Variants in LZTFL1 observed in about 807,000 individuals in gnomAD.
LZTFL1 encodes leucine zipper transcription factor-like protein 1.
In LZTFL1, 25 loss-of-function variants were observed where a neutral mutation model predicts 45.9. The observed-to-expected ratio is 0.54, with a 90% confidence interval of 0.40 to 0.76. LZTFL1 has a LOEUF of 0.76. LZTFL1 is among the 30% of genes least tolerant of loss of function. The pLI is 0.00. For missense variants in LZTFL1, 277 were observed against 331.1 expected (o/e 0.84, Z 1.27); for synonymous variants, 93 against 117.4 (o/e 0.79, Z 1.35).
intron 2 of LZTFL1, among the ~76,000 whole-genome samples, chr3:45,884,422 T>C (rs551127304): frequency 6.6e-6 from 1 of 152,288 alleles, no homozygotes; most frequent in East Asian, 1.9e-4. Context: ...TGATCCTCTC[T>C]GCATCCCAGG....
intron 9 of LZTFL1, 138 bp from the exon 10 acceptor site, chr3:45,826,470 G>A: frequency 1.4e-6 from 1 of 724,964 alleles, no homozygotes; most frequent in African/African-American, 1.8e-5. Context: ...ATTCAACTTT[G>A]TTTTGATGGT....
chr3:45,880,178 T>A (rs937730181), intron 2 of LZTFL1, among the ~76,000 whole-genome samples: 2 of 152,218 alleles, frequency 1.3e-5, no homozygotes, highest in African/African-American at 4.8e-5. Flanking sequence ...GTTTTTTTGT[T>A]GTTTCCCATG....
intron 2 of LZTFL1, among the ~76,000 whole-genome samples, chr3:45,888,847 G>A (rs1702061429): frequency 6.6e-6 from 1 of 152,166 alleles, no homozygotes; most frequent in African/African-American, 2.4e-5. Context: ...TCTAGATGTG[G>A]GCTCTAGGGA....
upstream of LZTFL1, among the ~76,000 whole-genome samples, chr3:45,844,539 T>C (rs976102753): frequency 3.9e-5 from 6 of 152,098 alleles, no homozygotes. Flanking sequence ...ATTGAACTGG[T>C]AGTAGGTGGA....
At chr3:45,895,078 T>G in intron 2 of LZTFL1, 1 of 1,012,078 alleles carries the variant, frequency 9.9e-7, no homozygotes, top group Non-Finnish European at 1.6e-6. Flanking sequence ...GTAAGATCTC[T>G]GCCTGGCAAT....
intron 2 of LZTFL1, among the ~76,000 whole-genome samples, chr3:45,864,170 T>A (rs1390749760): frequency 6.6e-6 from 1 of 152,224 alleles, no homozygotes; most frequent in Non-Finnish European, 1.5e-5. Context: ...AATGTGTAAT[T>A]ATAAATTGCT....
chr3:45,860,038 C>G (rs77340888), intron 2 of LZTFL1, among the ~76,000 whole-genome samples: 236 of 152,078 alleles, frequency 1.6e-3, no homozygotes, highest in Middle Eastern at 6.8e-3. Flanking sequence ...GTATGATGAC[C>G]AGCCACTGTA....
chr3:45,827,478 C>T lies in LZTFL1; in HGVS notation c.778-19G>A. ...CTAATTCCTGCTTAGTAAAAAATGT[C>T]AGCCCATTACTAAAAAAATAGTTAA... On this transcript the variant is annotated intron_variant, in intron 8 of 9. Transcript: ENST00000296135. 1.4e-6 allele frequency: 2 copies of T among 1,433,866 alleles called. No homozygotes were observed. The highest frequency in any genetic ancestry group is 2.0e-6 in the Non-Finnish European group (2 of 1,018,892). 88.8% of individuals were successfully genotyped at this position (1,433,866 alleles called of 1,614,324 possible).
chr3:45,841,982 T>G lies in LZTFL1; in HGVS notation c.3+7A>C. Reference sequence around the variant, plus strand: ...CGCGGTGCGGCGCCTGAGGGTCGGTTACTCACCATGGCGGCAGGCAGCGGC... The same window carrying G: ...CGCGGTGCGGCGCCTGAGGGTCGGTGACTCACCATGGCGGCAGGCAGCGGC... On this transcript the variant is annotated splice_region_variant and intron_variant, in intron 1 of 9. Transcript: ENST00000296135. 6.2e-7 allele frequency: 1 copy of G among 1,611,730 alleles called. No individual in the cohort carries two copies. The highest frequency in any genetic ancestry group is 1.3e-5 in the African/African-American group (1 of 75,034).
At chr3:45,897,308 AT>A (rs1259899139) in intron 2 of LZTFL1, among the ~76,000 whole-genome samples, 1 of 152,142 alleles carries the variant, frequency 6.6e-6, no homozygotes, top group Non-Finnish European at 1.5e-5. Flanking sequence ...GGGGTGTAAA[AT>A]TCAATCACTT....
chr3:45,878,934 G>T (rs1701801273), intron 2 of LZTFL1, among the ~76,000 whole-genome samples: 1 of 152,174 alleles, frequency 6.6e-6, no homozygotes, highest in African/African-American at 2.4e-5. Context: ...AAATACATTC[G>T]ACATCATAGG....
In LZTFL1 at chr3:45,886,931, A is replaced by T. The variant is rs544993984; in HGVS notation, c.-215+26189T>A. 5.5e-4 allele frequency among the ~76,000 whole-genome samples: 83 copies of T among 152,254 alleles called. 1 individual carries two copies. In the South Asian group the frequency reaches 0.017, roughly 32 times the overall value. On this transcript the variant is annotated intron_variant, in intron 2 of 4. Transcript: ENST00000472635. ...GTGATTTATACCTTAAAGGAAGGAG[A>T]AGCAGGTGCTGGGGGACAAGATGGT...
At chr3:45,857,870 A>G (rs1559411212) in intron 3 of LZTFL1, among the ~76,000 whole-genome samples, 1 of 152,140 alleles carries the variant, frequency 6.6e-6, no homozygotes, top group East Asian at 1.9e-4. Flanking sequence ...TTGATGAACT[A>G]TATTGACAAG....
intron 3 of LZTFL1, among the ~76,000 whole-genome samples, chr3:45,856,187 C>T (rs577419785): frequency 2.0e-5 from 3 of 152,104 alleles, no homozygotes; most frequent in Admixed American, 6.5e-5. Flanking sequence ...CAAAACCAGA[C>T]ACATCAACCA....
intron 2 of LZTFL1, among the ~76,000 whole-genome samples, chr3:45,897,204 C>A (rs1489862138): frequency 1.3e-5 from 2 of 152,176 alleles, no homozygotes; most frequent in Admixed American, 1.3e-4. Flanking sequence ...ATCCATCAGG[C>A]ATGTGCAAAA....
chr3:45,911,951 A>G (rs1702802581), intron 2 of LZTFL1, among the ~76,000 whole-genome samples: 1 of 152,250 alleles, frequency 6.6e-6, no homozygotes, highest in Admixed American at 6.5e-5. Context: ...ACGACATAGA[A>G]AAGTATAAAG....
intron 2 of LZTFL1, among the ~76,000 whole-genome samples, chr3:45,893,940 T>C (rs530307963): frequency 6.6e-6 from 1 of 152,296 alleles, no homozygotes; most frequent in South Asian, 2.1e-4. Context: ...GGTGGGGTCA[T>C]GATGTTGTTA....
chr3:45,876,456 G>C (rs895538145), intron 2 of LZTFL1, among the ~76,000 whole-genome samples: 1 of 152,166 alleles, frequency 6.6e-6, no homozygotes, highest in Non-Finnish European at 1.5e-5. Context: ...TAGTGTCCCT[G>C]TTTTACAAAA....
intron 4 of LZTFL1, 61 bp from the exon 5 acceptor site, chr3:45,833,182 G>C (rs1700877554): frequency 1.7e-6 from 2 of 1,159,542 alleles, no homozygotes; most frequent in Admixed American, 3.4e-5. Context: ...TATAATCATT[G>C]AACACTTGCA....
Sources: gnomAD v4.1 joint callset for allele counts (sites outside exome capture counted in the v4.1 genomes callset) on GRCh38, gnomAD v4.1.1 for gene constraint, MANE v1.5 for transcripts, NCBI Gene and HGNC (gene_info 2026-07-23, HGNC 2026-07-21) for gene names.